Variants in RBM26 observed in about 807,000 individuals in gnomAD.
The protein encoded by RBM26 is RNA-binding protein 26.
RBM26 carries 30 observed loss-of-function variants against 123.6 expected under a neutral mutation model. The observed-to-expected ratio is 0.24, with a 90% CI of 0.18 to 0.33. The LOEUF is 0.33. Ranked by LOEUF, RBM26 falls within the 10% of genes least tolerant of loss-of-function variation. The probability of loss-of-function intolerance (pLI) is 1.00; values close to 1 mark genes in which losing one functional copy is unlikely to be tolerated. For missense variants in RBM26, 947 were observed against 1,203.6 expected (o/e 0.79, Z 3.15); for synonymous variants, 400 against 404.4 (o/e 0.99, Z 0.13).
chr13:79,378,939 T>A, intron 1 of RBM26, 32 bp from the exon 2 acceptor site: 2 of 1,290,456 alleles, frequency 1.5e-6, no homozygotes, highest in Non-Finnish European at 2.2e-6. Flanking sequence ...GAAGAAAATT[T>A]AGCCAACTGC....
intron 17 of RBM26, among the ~76,000 whole-genome samples, chr13:79,342,126 T>G (rs896044697): frequency 2.0e-5 from 3 of 151,754 alleles, no homozygotes; most frequent in Non-Finnish European, 4.4e-5. Flanking sequence ...AAGAGCCATG[T>G]GATGTTGGGT....
At chr13:79,323,148 T>C (rs1404181662) in intron 20 of RBM26, among the ~76,000 whole-genome samples, 1 of 151,608 alleles carries the variant, frequency 6.6e-6, no homozygotes, top group Non-Finnish European at 1.5e-5. Flanking sequence ...AATAGTCATG[T>C]CTAAGTACTT....
At chr13:79,371,748 A>G (rs1463664243) in intron 4 of RBM26, 94 bp downstream of exon 4, 3 of 823,840 alleles carry the variant, frequency 3.6e-6, no homozygotes, top group Non-Finnish European at 6.1e-6. Flanking sequence ...AGTAGATATT[A>G]CTTGCCTCTG....
chr13:79,387,651 T>C (rs1276125889), intron 1 of RBM26, among the ~76,000 whole-genome samples: 1 of 152,176 alleles, frequency 6.6e-6, no homozygotes, highest in Non-Finnish European at 1.5e-5. Context: ...CCTTGCGCTC[T>C]TTCTCCCTTC....
At position 79,377,391 on chromosome 13, in the gene RBM26, T is replaced by C; in HGVS notation, c.315A>G (p.Ile105Met). The change falls in exon 3 of 22, where the codon ATA (isoleucine) becomes ATG (methionine). Residue 105 changes from isoleucine to methionine, a missense_variant. Coordinates refer to ENST00000438737, the MANE Select transcript of RBM26 (RefSeq NM_001366735.2). ...CACAAATCGTTACCTCTTCCTTCTT[T>C]ATATCTTTTTCTTGGTGTGGAAAAA... ...VEFFPHQEKD[I>M]KKEEITKEEE... The C allele has an allele frequency of 1.2e-6, 2 of 1,613,682 alleles. No individual in the cohort carries two copies. The highest frequency in any genetic ancestry group is 8.5e-7 in the Non-Finnish European group (1 of 1,179,610).
intron 20 of RBM26, among the ~76,000 whole-genome samples, chr13:79,332,757 A>C (rs187411408): frequency 6.6e-6 from 1 of 152,264 alleles, no homozygotes; most frequent in East Asian, 1.9e-4. Context: ...TATTGTTATT[A>C]ATTTTGAAAA....
intron 20 of RBM26, among the ~76,000 whole-genome samples, chr13:79,325,979 C>T (rs2068344465): frequency 6.6e-6 from 1 of 152,130 alleles, no homozygotes; most frequent in South Asian, 2.1e-4. Flanking sequence ...CCTCAGTATT[C>T]AGTATAGTTA....
At chr13:79,334,104 C>T (rs2069898605) in intron 20 of RBM26, among the ~76,000 whole-genome samples, 1 of 152,142 alleles carries the variant, frequency 6.6e-6, no homozygotes, top group Non-Finnish European at 1.5e-5. Context: ...TATCTCACGA[C>T]AGCACAATTT....
chr13:79,367,803 G>A (rs1204973623), intron 6 of RBM26, among the ~76,000 whole-genome samples: 1 of 151,934 alleles, frequency 6.6e-6, no homozygotes, highest in African/African-American at 2.4e-5. Context: ...TTACTTTAGA[G>A]CAATGTTAAA....
intron 3 of RBM26, among the ~76,000 whole-genome samples, chr13:79,373,438 T>A (rs1324624378): frequency 0.64 from 34,755 of 54,632 alleles, 8,141 homozygotes; most frequent in Admixed American, 0.68. Flanking sequence ...TAAATATATA[T>A]TATATATTAT....
rs1397121134 is a variant in RBM26, at chr13:79,377,482, G to A, written c.224C>T (p.Ala75Val). The A allele has an allele frequency of 1.9e-5, 30 of 1,611,706 alleles. No homozygotes were observed. The East Asian group carries it at 6.7e-4, about 36-fold the overall frequency. ...AGGTAGGTAACTCTTTGTATTCACA[G>A]CATCAAAAAGTTTTTCCACAAATAT... Reference protein sequence around the residue: ...TQIFVEKLFDAVNTKSYLPPP... With the variant: ...TQIFVEKLFDVVNTKSYLPPP... The change falls in exon 3 of 22, where the codon GCT becomes GTT. Residue 75 changes from alanine to valine, a missense_variant. By Grantham distance (64) the Ala-to-Val change is moderately conservative (BLOSUM62 0). Coordinates refer to ENST00000438737, the MANE Select transcript of RBM26 (RefSeq NM_001366735.2).
chr13:79,390,238 T>C (rs1566573653), intron 1 of RBM26, among the ~76,000 whole-genome samples: 1 of 152,134 alleles, frequency 6.6e-6, no homozygotes, highest in Admixed American at 6.5e-5. Context: ...TTAACTACTG[T>C]ATATACCATG....
intron 1 of RBM26, among the ~76,000 whole-genome samples, chr13:79,380,868 A>G (rs2077020958): frequency 6.6e-6 from 1 of 152,114 alleles, no homozygotes; most frequent in Admixed American, 6.5e-5. Flanking sequence ...GTGGTAACAT[A>G]CAGCATTAAT....
At chr13:79,379,689 T>TA (rs777815836) in intron 1 of RBM26, among the ~76,000 whole-genome samples, 22 of 147,206 alleles carry the variant, frequency 1.5e-4, no homozygotes, top group Admixed American at 2.7e-4. Context: ...AATGTGATTA[T>TA]AAAAAACAGA....
intron 20 of RBM26, among the ~76,000 whole-genome samples, chr13:79,326,735 GAAT>G (rs1160000128): frequency 2.6e-5 from 4 of 151,756 alleles, no homozygotes; most frequent in African/African-American, 9.7e-5. Flanking sequence ...AGAAAGCAAA[GAAT>G]AATGGAAACT....
intron 1 of RBM26, among the ~76,000 whole-genome samples, chr13:79,382,652 G>A (rs1467538767): frequency 1.3e-5 from 2 of 152,000 alleles, no homozygotes; most frequent in Admixed American, 1.3e-4. Context: ...GCAAATAGAA[G>A]GTGAAAACTT....
rs1267484728 is a variant in RBM26, at chr13:79,319,806, T to G, written c.*815A>C. On this transcript the variant is annotated 3_prime_UTR_variant, in exon 22 of 22. Coordinates refer to ENST00000438737, the MANE Select transcript of RBM26 (RefSeq NM_001366735.2). ...ATTGTAAGGGTACCAGTAACCATTA[T>G]TATTAAGAATAAGTTAGTGATTATA... The G allele has an allele frequency of 1.0e-6, 1 of 978,604 alleles. No homozygotes were observed. Among genetic ancestry groups the G allele is most frequent in the Non-Finnish European group, 1.2e-6 (1 of 824,144 alleles). The allele number at this position is 978,604 out of a possible 1,614,324, so 60.6% of individuals were successfully genotyped here.
chr13:79,374,747 A>G (rs1390435386), intron 3 of RBM26, among the ~76,000 whole-genome samples: 1 of 151,996 alleles, frequency 6.6e-6, no homozygotes, highest in African/African-American at 2.4e-5. Context: ...CTAACAGATC[A>G]CCATATTCCA....
At chr13:79,399,290 C>T (rs1006706470) in intron 1 of RBM26, among the ~76,000 whole-genome samples, 3 of 152,180 alleles carry the variant, frequency 2.0e-5, no homozygotes. Context: ...GTCTCCATCA[C>T]TTACTAGCTA....
Sources: gnomAD v4.1 joint callset for allele counts (sites outside exome capture counted in the v4.1 genomes callset) on GRCh38, gnomAD v4.1.1 for gene constraint, MANE v1.5 for transcripts, NCBI Gene and HGNC (gene_info 2026-07-23, HGNC 2026-07-21) for gene names.